Variants in ZFHX3 observed in about 807,000 individuals in gnomAD.
ZFHX3 encodes zinc finger homeobox protein 3.
In ZFHX3, 42 loss-of-function variants were observed where a neutral mutation model predicts 279.1. The ratio of observed to expected loss-of-function variants is 0.15; its 90% confidence interval spans 0.12 to 0.19. ZFHX3 has a LOEUF of 0.19. Ranked by LOEUF, ZFHX3 falls within the 10% of genes least tolerant of loss-of-function variation. The pLI is 1.00. For missense variants in ZFHX3, 4,981 were observed against 4,754.0 expected (o/e 1.05, Z -1.40); for synonymous variants, 2,293 against 1,957.8 (o/e 1.17, Z -4.52).
intron 5 of ZFHX3, among the ~76,000 whole-genome samples, chr16:73,180,111 C>A (rs912362715): frequency 2.0e-5 from 3 of 152,156 alleles, no homozygotes; most frequent in Admixed American, 2.0e-4. Flanking sequence ...AAGAACAAAG[C>A]CTGCAGGGAC....
chr16:72,798,001 G>A lies in ZFHX3; in HGVS notation c.4681C>T (p.Leu1561=), dbSNP rs141819089. Residue 1561 remains leucine (L), a synonymous_variant, in exon 9 of 10, where the codon CTA becomes TTA. Coordinates refer to ENST00000268489, the MANE Select transcript of ZFHX3 (RefSeq NM_006885.4). ...TGGGAGACAGAATTGTAGTGTACTA[G>A]CAGGATATTCTTTTGAGTGAAAGAT... The part of the protein sequence containing the change: ...KESFTQKNIL[L]VHYNSVSHLH... The A allele has an allele frequency of 7.4e-6, 12 of 1,614,076 alleles. No individual in the cohort carries two copies. The African/African-American group carries it at 1.6e-4, about 22-fold the overall frequency.
At chr16:73,259,564 C>A (rs1392731437) in intron 4 of ZFHX3, among the ~76,000 whole-genome samples, 1 of 152,070 alleles carries the variant, frequency 6.6e-6, no homozygotes, top group African/African-American at 2.4e-5. Context: ...ATATGAAGTG[C>A]CACCTTTGTT....
At chr16:72,876,700 G>A (rs577130190) in intron 4 of ZFHX3, among the ~76,000 whole-genome samples, 1 of 152,276 alleles carries the variant, frequency 6.6e-6, no homozygotes, top group South Asian at 2.1e-4. Context: ...CAATCTGGAA[G>A]AAAACAAATG....
intron 4 of ZFHX3, among the ~76,000 whole-genome samples, chr16:73,263,585 C>T (rs1370812899): frequency 6.6e-6 from 1 of 152,160 alleles, no homozygotes; most frequent in Non-Finnish European, 1.5e-5. Context: ...CCAGAAGCAG[C>T]TTCTGTTTCT....
chr16:73,169,284 T>C (rs1967464923), intron 5 of ZFHX3, among the ~76,000 whole-genome samples: 1 of 152,220 alleles, frequency 6.6e-6, no homozygotes, highest in Non-Finnish European at 1.5e-5. Flanking sequence ...ACTAAGGGCA[T>C]ACTCTGAACT....
intron 3 of ZFHX3, among the ~76,000 whole-genome samples, chr16:73,365,722 A>C (rs911017536): frequency 6.6e-6 from 1 of 152,190 alleles, no homozygotes; most frequent in Non-Finnish European, 1.5e-5. Context: ...TCTGGCCCCC[A>C]GCTCACCAAA....
chr16:73,786,611 G>T (rs541314832), intron 1 of ZFHX3, among the ~76,000 whole-genome samples: 9 of 152,046 alleles, frequency 5.9e-5, no homozygotes, highest in East Asian at 1.9e-4. Flanking sequence ...TGGCAGGGGG[G>T]GCCAAAGAGG....
At chr16:73,278,594 T>C (rs1567438022) in intron 4 of ZFHX3, among the ~76,000 whole-genome samples, 1 of 152,244 alleles carries the variant, frequency 6.6e-6, no homozygotes, top group East Asian at 1.9e-4. Flanking sequence ...AGGTGCTGGC[T>C]GGGGTGGCCA....
At chr16:73,000,848 G>T (rs1401121266) in intron 1 of ZFHX3, among the ~76,000 whole-genome samples, 1 of 152,188 alleles carries the variant, frequency 6.6e-6, no homozygotes, top group East Asian at 1.9e-4. Flanking sequence ...CTTAGGCAAA[G>T]CAATTTTGAA....
At chr16:73,789,037 T>C (rs1342039563) in intron 1 of ZFHX3, among the ~76,000 whole-genome samples, 1 of 150,612 alleles carries the variant, frequency 6.6e-6, no homozygotes. Context: ...AGTGTGTTTA[T>C]GTATCTATAT....
intron 2 of ZFHX3, among the ~76,000 whole-genome samples, chr16:73,654,239 CATTTAAGT>C (rs917647891): frequency 1.3e-5 from 2 of 150,030 alleles, no homozygotes; most frequent in Non-Finnish European, 3.0e-5. Flanking sequence ...CCTCTCAACA[CATTTAAGT>C]ATTTAAGTAC....
chr16:73,673,976 G>C (rs2052929230), intron 2 of ZFHX3, among the ~76,000 whole-genome samples: 1 of 152,130 alleles, frequency 6.6e-6, no homozygotes, highest in Non-Finnish European at 1.5e-5. Context: ...CAAAGCATCT[G>C]TGATTGGCTA....
intron 1 of ZFHX3, among the ~76,000 whole-genome samples, chr16:73,798,697 T>G (rs1018356454): frequency 1.3e-5 from 2 of 152,138 alleles, no homozygotes; most frequent in African/African-American, 4.8e-5. Context: ...CAGAAGGACG[T>G]CAAGACCATT....
Position 73,630,585 on chromosome 16 carries a change from G to A in ZFHX3, c.-1547+49595C>T, listed in dbSNP as rs781403781. On this transcript the variant is annotated intron_variant, in intron 2 of 17. Transcript: ENST00000641206. Reference sequence around the variant, plus strand: ...AAGAGACCAAATCTGAGGAATGGACGTGCCACCACATTTTACCAACAAAAC... The same window carrying A: ...AAGAGACCAAATCTGAGGAATGGACATGCCACCACATTTTACCAACAAAAC... Among the ~76,000 whole-genome samples the A allele has an allele frequency of 5.3e-5, 8 of 152,162 alleles. No homozygotes were observed. The South Asian group carries it at 8.3e-4, about 16-fold the overall frequency.
intron 2 of ZFHX3, among the ~76,000 whole-genome samples, chr16:73,541,222 A>T (rs1002649640): frequency 1.3e-5 from 2 of 152,144 alleles, no homozygotes; most frequent in Non-Finnish European, 2.9e-5. Context: ...TATTAAACAC[A>T]TGCTATCATC....
Position 73,139,206 on chromosome 16 carries a change from C to G in ZFHX3, c.-1024+4546G>C, listed in dbSNP as rs115102976. Among the ~76,000 whole-genome samples, 589 of 152,272 alleles carry G rather than the reference C, an allele frequency of 3.9e-3. 2 individuals are homozygous for G. The highest frequency in any genetic ancestry group is 0.014 in the African/African-American group (570 of 41,546). On this transcript the variant is annotated intron_variant, in intron 6 of 17. Transcript: ENST00000641206. ...TAAATAAACAATGGTATATCCAACACTGGAATGCAATGCAGTCATTGCAAT... is the reference window on the plus strand; with the variant it reads ...TAAATAAACAATGGTATATCCAACAGTGGAATGCAATGCAGTCATTGCAAT...
At chr16:73,198,825 C>A (rs1968208412) in intron 5 of ZFHX3, among the ~76,000 whole-genome samples, 1 of 152,210 alleles carries the variant, frequency 6.6e-6, no homozygotes, top group African/African-American at 2.4e-5. Context: ...GCCAACGGCA[C>A]TGGATTCTTT....
chr16:73,756,558 GGGAGGGAGA>G (rs550395582), intron 1 of ZFHX3, among the ~76,000 whole-genome samples: 2,082 of 152,232 alleles, frequency 0.014, 21 homozygotes, highest in Middle Eastern at 0.031. Flanking sequence ...CCCTTCACTG[GGGAGGGAGA>G]CCAAGCTGAC....
At chr16:73,456,343 C>T (rs1317557048) in intron 2 of ZFHX3, 5 of 152,140 alleles carry the variant, frequency 3.3e-5, no homozygotes, top group African/African-American at 1.2e-4. Flanking sequence ...CATTCCTCCC[C>T]ACTTTCCCCC....
Sources: allele counts gnomAD v4.1 joint callset (sites outside exome capture counted in the v4.1 genomes callset), GRCh38; gene constraint gnomAD v4.1.1; transcripts MANE v1.5; gene names NCBI Gene and HGNC (gene_info 2026-07-23, HGNC 2026-07-21).